Variants in ANO2 observed in about 807,000 individuals in gnomAD.
ANO2 encodes anoctamin 2.
In ANO2, 101 loss-of-function variants were observed where a neutral mutation model predicts 124.2. That is an observed-to-expected ratio of 0.81 (90% confidence interval 0.69 to 0.96). The LOEUF is 0.96. ANO2 is among the 40% of genes least tolerant of loss of function. The pLI is 0.00. For synonymous variants in ANO2, 486 were observed against 482.5 expected, an observed-to-expected ratio of 1.01 and a Z score of -0.09; for missense variants, 1,293 against 1,274.5, an observed-to-expected ratio of 1.01 and a Z score of -0.22.
chr12:5,872,918 C>A (rs540138295), intron 3 of ANO2, among the ~76,000 whole-genome samples: 3 of 152,022 alleles, frequency 2.0e-5, no homozygotes, highest in African/African-American at 7.2e-5. Context: ...GAAGATCCAG[C>A]GTGCAGAGAT....
chr12:5,810,929 G>C (rs756045746), intron 7 of ANO2, among the ~76,000 whole-genome samples: 3 of 152,156 alleles, frequency 2.0e-5, no homozygotes, highest in Non-Finnish European at 4.4e-5. Flanking sequence ...CCCCAGCATT[G>C]GTACCTGAAA....
At chr12:5,830,341 T>C (rs1954110435) in intron 6 of ANO2, 94 bp downstream of exon 6, 1 of 1,280,016 alleles carries the variant, frequency 7.8e-7, no homozygotes, top group African/African-American at 1.5e-5. Flanking sequence ...AATAACGGTG[T>C]GAGGTGGCAG....
chr12:5,703,977 T>A (rs2137030974), intron 14 of ANO2, among the ~76,000 whole-genome samples: 1 of 152,364 alleles, frequency 6.6e-6, no homozygotes, highest in East Asian at 1.9e-4. Flanking sequence ...TTCACCTGTG[T>A]GACAAATAGT....
At chr12:5,870,444 C>T (rs1175528866) in intron 3 of ANO2, 1 of 152,234 alleles carries the variant, frequency 6.6e-6, no homozygotes, top group Non-Finnish European at 1.5e-5. Context: ...CTTCCCTATA[C>T]AATGACAGCA....
intron 14 of ANO2, among the ~76,000 whole-genome samples, chr12:5,702,612 T>C (rs1949450778): frequency 2.0e-5 from 3 of 150,614 alleles, no homozygotes; most frequent in South Asian, 2.1e-4. Flanking sequence ...AACAATGAAA[T>C]TGATCTCTTC....
intron 14 of ANO2, among the ~76,000 whole-genome samples, chr12:5,719,832 C>T (rs543772216): frequency 8.5e-5 from 13 of 152,224 alleles, no homozygotes; most frequent in African/African-American, 2.2e-4. Flanking sequence ...AACTAAGCTC[C>T]GGTTGAGTTG....
chr12:5,919,423 C>T (rs941096033), intron 3 of ANO2, among the ~76,000 whole-genome samples: 5 of 142,068 alleles, frequency 3.5e-5, no homozygotes, highest in Admixed American at 7.1e-5. Flanking sequence ...GGTCAAGGTG[C>T]CCAAAGCAGA....
Position 5,730,303 on chromosome 12 carries a change from GA to G in ANO2, c.1545+2216del, listed in dbSNP as rs1410399888. ...ACTTGGTATCTTTAAAATTAAAAAG[GA>G]AAAAGAAAAGCAAACAGGCCTTGGG... On this transcript the variant is annotated intron_variant, in intron 14 of 24. Transcript: ENST00000682330. Among the ~76,000 whole-genome samples, 6 of 152,096 alleles carry G rather than the reference GA, an allele frequency of 3.9e-5. No individual in the cohort carries two copies. In the South Asian group the frequency reaches 6.2e-4, roughly 16 times the overall value.
Position 5,854,093 on chromosome 12 carries a change from C to T in ANO2, c.583G>A (p.Val195Met), listed in dbSNP as rs369587213. ...AAGAATTCTGCCTCTCTGGCCAGCA[C>T]CTGCCACGGGGCGTGTATCCGGACA... Reference protein sequence around the residue: ...IFVRIHAPWQVLAREAEFLKI... With the variant: ...IFVRIHAPWQMLAREAEFLKI... The change falls in exon 4 of 25, where the codon GTG becomes ATG. Residue 195 changes from valine to methionine, a missense_variant. By Grantham distance (21) the Val-to-Met change is conservative. Transcript: ENST00000682330. 6 of 1,613,572 alleles carry T rather than the reference C, an allele frequency of 3.7e-6. No homozygotes were observed. In the African/African-American group the frequency reaches 6.7e-5, roughly 18 times the overall value.
intron 14 of ANO2, among the ~76,000 whole-genome samples, chr12:5,682,385 C>T (rs1295562950): frequency 2.0e-5 from 3 of 152,100 alleles, no homozygotes; most frequent in African/African-American, 4.8e-5. Context: ...CCTACTCCTC[C>T]ACCCCAGCTC....
intron 14 of ANO2, among the ~76,000 whole-genome samples, chr12:5,689,532 T>A (rs1159299865): frequency 6.6e-6 from 1 of 152,122 alleles, no homozygotes; most frequent in African/African-American, 2.4e-5. Flanking sequence ...CCTGGTTCAT[T>A]GATGGTAACC....
chr12:5,638,655 G>A (rs1265625338), intron 15 of ANO2, among the ~76,000 whole-genome samples: 1 of 151,782 alleles, frequency 6.6e-6, no homozygotes, highest in Non-Finnish European at 1.5e-5. Flanking sequence ...TCAAAAGGAG[G>A]TTTGTCTTTT....
intron 14 of ANO2, among the ~76,000 whole-genome samples, chr12:5,681,900 T>A (rs896026871): frequency 6.6e-6 from 1 of 152,190 alleles, no homozygotes; most frequent in Non-Finnish European, 1.5e-5. Flanking sequence ...GTTCCTTTCA[T>A]GGGTCCAGAG....
In ANO2 at chr12:5,635,138, C is replaced by A. The variant is rs762198146; in HGVS notation, c.1816+14G>T. ...GAGGGCCTAGGACAGCCAGAAGTCT[C>A]GGTGACACAGTACCAATTTTGGTGA... On this transcript the variant is annotated intron_variant, in intron 16 of 24. Transcript: ENST00000682330. The surrounding 1 kb of genome is among the most constrained non-coding windows in gnomAD (Gnocchi z 5.2). 1 of 1,555,598 alleles carries A rather than the reference C, an allele frequency of 6.4e-7. No individual in the cohort carries two copies. Among genetic ancestry groups the A allele is most frequent in the Non-Finnish European group, 8.6e-7 (1 of 1,156,574 alleles).
At chr12:5,655,804 C>T (rs1947125091) in intron 14 of ANO2, among the ~76,000 whole-genome samples, 1 of 152,192 alleles carries the variant, frequency 6.6e-6, no homozygotes, top group Non-Finnish European at 1.5e-5. Flanking sequence ...AGTCCAGTGC[C>T]TTCCTTGTAC....
At chr12:5,602,520 C>T (rs1402473020) in intron 19 of ANO2, among the ~76,000 whole-genome samples, 5 of 152,096 alleles carry the variant, frequency 3.3e-5, no homozygotes, top group African/African-American at 9.7e-5. Flanking sequence ...TCCCAAAGTA[C>T]AAGGATTACA....
chr12:5,898,962 G>C (rs1939988316), intron 3 of ANO2, among the ~76,000 whole-genome samples: 1 of 152,138 alleles, frequency 6.6e-6, no homozygotes, highest in Non-Finnish European at 1.5e-5. Context: ...TAGCTAGAGG[G>C]GTTAATGGGG....
chr12:5,745,326 G>A (rs1292369274), intron 11 of ANO2, among the ~76,000 whole-genome samples: 5 of 152,212 alleles, frequency 3.3e-5, no homozygotes, highest in Non-Finnish European at 7.3e-5. Flanking sequence ...GGGGGAAAGG[G>A]TGGAGAACTT....
chr12:5,643,363 G>C (rs1252765707), intron 15 of ANO2, among the ~76,000 whole-genome samples: 1 of 152,046 alleles, frequency 6.6e-6, no homozygotes, highest in African/African-American at 2.4e-5. Flanking sequence ...CACCCTTGAT[G>C]TTATACATAG....
Sources: allele counts gnomAD v4.1 joint callset (sites outside exome capture counted in the v4.1 genomes callset), GRCh38; gene constraint gnomAD v4.1.1; non-coding constraint Gnocchi (gnomAD v3.1); transcripts MANE v1.5; gene names NCBI Gene and HGNC (gene_info 2026-07-23, HGNC 2026-07-21).